CHN2: variants seen among roughly 807,000 people sequenced by gnomAD.
CHN2 encodes chimerin 2, also known as beta-chimaerin.
CHN2 carries 35 observed loss-of-function variants against 56.3 expected under a neutral mutation model. That is an observed-to-expected ratio of 0.62 (90% CI 0.47 to 0.82). The LOEUF (loss-of-function observed/expected upper bound fraction) is 0.82. Ranked by LOEUF, CHN2 falls within the 40% of genes least tolerant of loss-of-function variation. CHN2 has a pLI of 0.00. For missense variants in CHN2, 491 were observed against 580.5 expected, an observed-to-expected ratio of 0.85 and a Z score of 1.58; for synonymous variants, 210 against 212.8, an observed-to-expected ratio of 0.99 and a Z score of 0.12.
At chr7:29,233,213 G>A (rs1786857562) in intron 1 of CHN2, among the ~76,000 whole-genome samples, 1 of 152,192 alleles carries the variant, frequency 6.6e-6, no homozygotes, top group South Asian at 2.1e-4. Flanking sequence ...CTCTATAATA[G>A]TGATAATCAT....
At chr7:29,511,134 A>AC (rs1791305773) in intron 12 of CHN2, among the ~76,000 whole-genome samples, 1 of 36,552 alleles carries the variant, frequency 2.7e-5, no homozygotes, top group Admixed American at 2.4e-4. Context: ...TCTACTTAGT[A>AC]TGTGAAAAGA....
chr7:29,245,414 C>A (rs1007929771), intron 1 of CHN2, among the ~76,000 whole-genome samples: 5 of 152,154 alleles, frequency 3.3e-5, no homozygotes, highest in Non-Finnish European at 2.9e-5. Context: ...TACTTAGTAT[C>A]TTTTGAATTT....
At chr7:29,368,941 C>T (rs756403140) in intron 3 of CHN2, among the ~76,000 whole-genome samples, 38 of 152,122 alleles carry the variant, frequency 2.5e-4, no homozygotes, top group Non-Finnish European at 4.9e-4. Context: ...GAGGAAATAT[C>T]TGGTGCTTAA....
intron 6 of CHN2, among the ~76,000 whole-genome samples, chr7:29,442,912 C>T (rs992246312): frequency 4.8e-5 from 7 of 147,152 alleles, no homozygotes; most frequent in Admixed American, 1.4e-4. Flanking sequence ...TAATCCCCAT[C>T]GCTTTCAATT....
chr7:29,512,020 C>T (rs1213438487), intron 12 of CHN2, among the ~76,000 whole-genome samples: 14 of 152,082 alleles, frequency 9.2e-5, no homozygotes, highest in Admixed American at 4.6e-4. Context: ...ACATTCCAGC[C>T]GTTCCCCCAC....
At chr7:29,492,340 A>G (rs1393036638) in intron 7 of CHN2, among the ~76,000 whole-genome samples, 1 of 152,118 alleles carries the variant, frequency 6.6e-6, no homozygotes, top group Admixed American at 6.5e-5. Flanking sequence ...GTATAATGGC[A>G]TAGATACAGA....
At chr7:29,418,391 A>G (rs907569752) in intron 6 of CHN2, among the ~76,000 whole-genome samples, 11 of 152,242 alleles carry the variant, frequency 7.2e-5, no homozygotes, top group Admixed American at 3.9e-4. Context: ...AGGGGCTTGC[A>G]GGAGAGTTGT....
intron 7 of CHN2, among the ~76,000 whole-genome samples, chr7:29,486,589 G>A (rs987894027): frequency 4.6e-5 from 7 of 152,202 alleles, no homozygotes; most frequent in East Asian, 1.9e-4. Flanking sequence ...CCTGTGTGGC[G>A]CCTTTCAAAA....
intron 1 of CHN2, among the ~76,000 whole-genome samples, chr7:29,309,512 AAGG>A (rs1442786475): frequency 1.3e-5 from 2 of 152,166 alleles, no homozygotes; most frequent in Admixed American, 6.5e-5. Context: ...ACCTCAGATG[AAGG>A]AGTTTTCTAA....
At chr7:29,455,042 C>T (rs1427031262) in intron 6 of CHN2, among the ~76,000 whole-genome samples, 1 of 152,184 alleles carries the variant, frequency 6.6e-6, no homozygotes, top group African/African-American at 2.4e-5. Flanking sequence ...TGACATTCAA[C>T]AGCCAGGAAT....
At chr7:29,368,135 A>G (rs1007255883) in intron 3 of CHN2, 148 bp downstream of exon 3, 42 of 505,426 alleles carry the variant, frequency 8.3e-5, no homozygotes, top group Non-Finnish European at 1.1e-4. Flanking sequence ...TTCATAATCT[A>G]TATTTTGACA....
At chr7:29,289,311 A>AGAG (rs1792394563) in intron 1 of CHN2, among the ~76,000 whole-genome samples, 1 of 152,080 alleles carries the variant, frequency 6.6e-6, no homozygotes, top group Non-Finnish European at 1.5e-5. Context: ...ATGACAAGGG[A>AGAG]GAGGCAAGAT....
chr7:29,489,294 A>G (rs140641793), intron 7 of CHN2, among the ~76,000 whole-genome samples: 29 of 152,292 alleles, frequency 1.9e-4, no homozygotes, highest in Non-Finnish European at 2.9e-4. Flanking sequence ...ATAGTCTTGG[A>G]CAGACATTCT....
chr7:29,236,936 C>T (rs1341791755), intron 1 of CHN2, among the ~76,000 whole-genome samples: 3 of 152,180 alleles, frequency 2.0e-5, no homozygotes, highest in Non-Finnish European at 4.4e-5. Context: ...AGATAATCAT[C>T]CAACTCAAAA....
chr7:29,359,419 C>T (rs559932761), intron 2 of CHN2, among the ~76,000 whole-genome samples: 1 of 152,234 alleles, frequency 6.6e-6, no homozygotes, highest in South Asian at 2.1e-4. Flanking sequence ...CATATTAAGT[C>T]TCTGCCTTAA....
At chr7:29,305,479 CTTATCG>C (rs1794065461) in intron 1 of CHN2, among the ~76,000 whole-genome samples, 1 of 151,594 alleles carries the variant, frequency 6.6e-6, no homozygotes, top group Non-Finnish European at 1.5e-5. Context: ...AGTTTTGATA[CTTATCG>C]TTATTTATTA....
At chr7:29,285,333 C>T (rs146234024) in intron 1 of CHN2, among the ~76,000 whole-genome samples, 14 of 152,342 alleles carry the variant, frequency 9.2e-5, no homozygotes, top group Non-Finnish European at 1.5e-4. Flanking sequence ...ACAGTTCTCA[C>T]GTTTCATGGA....
At chr7:29,404,585 G>T (rs1471448792) in intron 6 of CHN2, among the ~76,000 whole-genome samples, 1 of 152,150 alleles carries the variant, frequency 6.6e-6, no homozygotes, top group African/African-American at 2.4e-5. Context: ...AGGAATGAAT[G>T]AGAACCCTCA....
intron 5 of CHN2, chr7:29,400,340 G>A (rs562834976): frequency 1.7e-6 from 1 of 600,116 alleles, no homozygotes; most frequent in East Asian, 2.8e-5. Context: ...TCAAGCATCA[G>A]TTACCTTTGC....
Sources: gnomAD v4.1 joint callset for allele counts (sites outside exome capture counted in the v4.1 genomes callset) on GRCh38, gnomAD v4.1.1 for gene constraint, MANE v1.5 for transcripts, NCBI Gene and HGNC (gene_info 2026-07-23, HGNC 2026-07-21) for gene names.